The following MDGA2 variants were observed in gnomAD, a reference collection of about 807,000 sequenced individuals.
MDGA2 encodes the protein MAM domain-containing glycosylphosphatidylinositol anchor protein 2.
MDGA2 carries 40 observed loss-of-function variants against 117.8 expected under a neutral mutation model. The observed-to-expected ratio is 0.34, with a 90% CI of 0.26 to 0.44. The LOEUF is 0.44. Among genes scored for constraint, MDGA2 ranks in the 20% least tolerant of loss-of-function variants. The pLI, the probability that MDGA2 is intolerant of heterozygous loss-of-function variation, is 1.00. For synonymous variants in MDGA2, 452 were observed against 439.0 expected (o/e 1.03, Z -0.37); for missense variants, 1,123 against 1,250.6 (o/e 0.90, Z 1.54).
At chr14:47,406,680 T>C (rs530172722) in intron 1 of MDGA2, among the ~76,000 whole-genome samples, 3 of 152,084 alleles carry the variant, frequency 2.0e-5, no homozygotes, top group African/African-American at 7.2e-5. Flanking sequence ...TGGCTACTGA[T>C]AGAAATAGGT....
rs151115813 is a variant in MDGA2, at chr14:46,932,906, T to C, written c.2090-12746A>G. Among the ~76,000 whole-genome samples, 242 of 152,106 alleles carry C rather than the reference T, an allele frequency of 1.6e-3. 2 individuals are homozygous for C. Among genetic ancestry groups the C allele is most frequent in the African/African-American group, 5.7e-3 (235 of 41,516 alleles). On this transcript the variant is annotated intron_variant, in intron 9 of 16. Transcript: ENST00000399232. ...TATATAAAAAGATTTCTAGAACTAA[T>C]AAGTTAGTTCAGTAAGGTTGTAAGC...
intron 7 of MDGA2, among the ~76,000 whole-genome samples, chr14:47,060,993 A>T (rs1443545429): frequency 6.6e-6 from 1 of 152,032 alleles, no homozygotes; most frequent in Non-Finnish European, 1.5e-5. Context: ...TATTTAACTT[A>T]TAAGCCTATA....
At chr14:46,936,179 A>ACT (rs1566534117) in intron 9 of MDGA2, among the ~76,000 whole-genome samples, 3 of 152,092 alleles carry the variant, frequency 2.0e-5, no homozygotes, top group Admixed American at 6.6e-5. Flanking sequence ...CAATCACTTG[A>ACT]GCTCCTGTTC....
At chr14:47,461,857 C>G (rs1046461188) in intron 1 of MDGA2, among the ~76,000 whole-genome samples, 8 of 152,040 alleles carry the variant, frequency 5.3e-5, no homozygotes, top group Non-Finnish European at 7.4e-5. Context: ...TTGAAAGGAT[C>G]GAAACAACAA....
intron 1 of MDGA2, among the ~76,000 whole-genome samples, chr14:47,522,314 T>C (rs1316964895): frequency 6.7e-6 from 1 of 149,614 alleles, no homozygotes; most frequent in Non-Finnish European, 1.5e-5. Flanking sequence ...TGGGTATATA[T>C]ATGTATATAT....
chr14:47,570,976 G>A lies in MDGA2; in HGVS notation c.280+103541C>T, dbSNP rs184521658. ...CATCAGAGTGAACAGGCAACCTACAGAATGGGAGAAAATTTTTGCAATCCA... is the reference window on the plus strand; with the variant it reads ...CATCAGAGTGAACAGGCAACCTACAAAATGGGAGAAAATTTTTGCAATCCA... On this transcript the variant is annotated intron_variant, in intron 1 of 16. Transcript: ENST00000399232. Among the ~76,000 whole-genome samples the A allele has an allele frequency of 9.2e-5, 14 of 152,222 alleles. No homozygotes were observed. The East Asian group carries it at 2.5e-3, about 27-fold the overall frequency.
At chr14:47,431,065 T>C (rs769893573) in intron 1 of MDGA2, among the ~76,000 whole-genome samples, 16 of 152,190 alleles carry the variant, frequency 1.1e-4, no homozygotes, top group Non-Finnish European at 1.8e-4. Flanking sequence ...ATAGGCAATA[T>C]TGGTTAGCCC....
At chr14:47,233,066 T>C (rs375515493) in intron 2 of MDGA2, among the ~76,000 whole-genome samples, 1 of 152,190 alleles carries the variant, frequency 6.6e-6, no homozygotes, top group Non-Finnish European at 1.5e-5. Context: ...TCACACTCAG[T>C]ATTTAAATTA....
chr14:47,584,602 C>G (rs1194208378), intron 1 of MDGA2, among the ~76,000 whole-genome samples: 1 of 151,738 alleles, frequency 6.6e-6, no homozygotes, highest in Non-Finnish European at 1.5e-5. Flanking sequence ...TTAGAGCCTC[C>G]TGCCTGGATT....
chr14:47,337,853 AACT>A (rs1458405445), intron 1 of MDGA2, among the ~76,000 whole-genome samples: 13 of 152,196 alleles, frequency 8.5e-5, no homozygotes, highest in African/African-American at 2.9e-4. Context: ...TCAAGAAAAA[AACT>A]ACATGTCACA....
At chr14:47,652,745 T>C (rs1897668254) in intron 1 of MDGA2, among the ~76,000 whole-genome samples, 1 of 152,142 alleles carries the variant, frequency 6.6e-6, no homozygotes, top group South Asian at 2.1e-4. Flanking sequence ...GCAAAGATCA[T>C]TTCAGTGCTG....
chr14:47,513,797 A>G (rs1894694092), intron 1 of MDGA2, among the ~76,000 whole-genome samples: 2 of 152,136 alleles, frequency 1.3e-5, no homozygotes, highest in Admixed American at 6.6e-5. Flanking sequence ...ATGCTGTAAA[A>G]ATTAATATTA....
intron 3 of MDGA2, among the ~76,000 whole-genome samples, chr14:47,170,651 G>A (rs979914011): frequency 5.9e-5 from 9 of 152,208 alleles, no homozygotes; most frequent in Non-Finnish European, 1.3e-4. Context: ...TATTTAATTA[G>A]AACTTTAATG....
chr14:47,151,725 C>G (rs550396873), intron 3 of MDGA2, among the ~76,000 whole-genome samples: 77 of 151,754 alleles, frequency 5.1e-4, no homozygotes, highest in Non-Finnish European at 9.1e-4. Flanking sequence ...CAAAATTCTT[C>G]ACATATATAC....
At chr14:46,971,276 C>T (rs921042209) in intron 8 of MDGA2, among the ~76,000 whole-genome samples, 3 of 152,130 alleles carry the variant, frequency 2.0e-5, no homozygotes, top group African/African-American at 7.2e-5. Context: ...ACATTTATCA[C>T]AGCATGATTC....
At chr14:47,594,382 A>G (rs1896497111) in intron 1 of MDGA2, among the ~76,000 whole-genome samples, 1 of 152,214 alleles carries the variant, frequency 6.6e-6, no homozygotes, top group Non-Finnish European at 1.5e-5. Flanking sequence ...ATTAAGTGTT[A>G]GCATAATGTC....
At chr14:47,561,141 G>GTTTGTTTTTT (rs1555332241) in intron 1 of MDGA2, among the ~76,000 whole-genome samples, 5 of 52,150 alleles carry the variant, frequency 9.6e-5, no homozygotes, top group South Asian at 2.3e-3. Flanking sequence ...CTCTATCTTT[G>GTTTGTTTTTT]TTTTTTTTTT....
At chr14:47,187,380 A>G (rs190938439) in intron 3 of MDGA2, among the ~76,000 whole-genome samples, 61 of 152,164 alleles carry the variant, frequency 4.0e-4, no homozygotes, top group African/African-American at 1.4e-3. Context: ...GGCAAACCAA[A>G]AAAACAAAGT....
intron 3 of MDGA2, among the ~76,000 whole-genome samples, chr14:47,183,524 T>C (rs1594704076): frequency 1.3e-5 from 2 of 152,136 alleles, no homozygotes; most frequent in East Asian, 3.9e-4. Context: ...CCTACTTTAA[T>C]TCTTACTACT....
Sources: allele counts gnomAD v4.1 joint callset (sites outside exome capture counted in the v4.1 genomes callset), GRCh38; gene constraint gnomAD v4.1.1; transcripts MANE v1.5; gene names NCBI Gene and HGNC (gene_info 2026-07-23, HGNC 2026-07-21).